The following PRR16 variants were observed in gnomAD, a reference collection of about 807,000 sequenced individuals.
PRR16 encodes protein Largen.
In PRR16, 6 loss-of-function variants were observed where a neutral mutation model predicts 18.2. The observed-to-expected ratio is 0.33, with a 90% CI of 0.18 to 0.65. The LOEUF (loss-of-function observed/expected upper bound fraction) is 0.65, where lower values mean the gene tolerates loss of function less well. PRR16 is among the 30% of genes least tolerant of loss of function. The pLI, the probability that PRR16 is intolerant of heterozygous loss-of-function variation, is 0.74. For missense variants in PRR16, 412 were observed against 376.6 expected (o/e 1.09, Z -0.78); for synonymous variants, 151 against 147.8 (o/e 1.02, Z -0.16).
At chr5:120,506,681 T>C (rs903936718) in intron 1 of PRR16, among the ~76,000 whole-genome samples, 1 of 152,226 alleles carries the variant, frequency 6.6e-6, no homozygotes, top group South Asian at 2.1e-4. Context: ...CTTCTATCTT[T>C]CTATTTCTCT....
At chr5:120,515,515 CTT>C (rs1270263290) in intron 1 of PRR16, among the ~76,000 whole-genome samples, 1 of 152,100 alleles carries the variant, frequency 6.6e-6, no homozygotes, top group African/African-American at 2.4e-5. Flanking sequence ...ATGATGGGAA[CTT>C]TGTAAAATGT....
At chr5:120,533,594 A>G (rs963926371) in intron 1 of PRR16, among the ~76,000 whole-genome samples, 44 of 152,146 alleles carry the variant, frequency 2.9e-4, no homozygotes, top group African/African-American at 1.0e-3. Context: ...ATCTTTGGGA[A>G]AAACATTCTA....
At chr5:120,608,678 C>T (rs992237578) in intron 1 of PRR16, among the ~76,000 whole-genome samples, 1 of 152,010 alleles carries the variant, frequency 6.6e-6, no homozygotes, top group African/African-American at 2.4e-5. Context: ...AACTTATTTT[C>T]AACTATAGAA....
Position 120,505,969 on chromosome 5 carries a change from T to C in PRR16, c.159+41324T>C, listed in dbSNP as rs566904905. On this transcript the variant is annotated intron_variant, in intron 1 of 1. Coordinates refer to ENST00000407149, the MANE Select transcript of PRR16 (RefSeq NM_001300783.2). ...GTGTATATATATATATATATATATA[T>C]ACACATTTTTTCTACATAGAGTGCA... 3.6e-3 allele frequency among the ~76,000 whole-genome samples: 531 copies of C among 145,776 alleles called. 3 individuals carry two copies. The highest frequency in any genetic ancestry group is 0.012 in the African/African-American group (460 of 39,392).
chr5:120,490,310 G>T (rs6887667), intron 1 of PRR16, among the ~76,000 whole-genome samples: 141,976 of 152,256 alleles, frequency 0.93, 66,628 homozygotes, highest in East Asian at 1. Flanking sequence ...AGATTTGGTC[G>T]TTTCAGATAG....
At chr5:120,619,589 T>G (rs1477661033) in intron 1 of PRR16, among the ~76,000 whole-genome samples, 1 of 152,012 alleles carries the variant, frequency 6.6e-6, no homozygotes, top group Non-Finnish European at 1.5e-5. Flanking sequence ...AGCATACTAA[T>G]GAAAATTACA....
intron 1 of PRR16, among the ~76,000 whole-genome samples, chr5:120,617,844 C>T (rs1055843767): frequency 6.6e-6 from 1 of 152,026 alleles, no homozygotes; most frequent in African/African-American, 2.4e-5. Flanking sequence ...CGATCATTAC[C>T]TTTAACAGCT....
the PRR16 span, among the ~76,000 whole-genome samples, chr5:120,748,486 C>T: frequency 1.4e-4 from 21 of 151,892 alleles, no homozygotes; most frequent in African/African-American, 4.8e-4. Flanking sequence ...AAAAAAGTAT[C>T]TTTCAATGTG....
chr5:120,782,990 T>G, the PRR16 span, among the ~76,000 whole-genome samples: 1 of 152,130 alleles, frequency 6.6e-6, no homozygotes, highest in African/African-American at 2.4e-5. Context: ...ATCCTCAATA[T>G]AAGAAGAACT....
chr5:120,759,384 A>G, the PRR16 span, among the ~76,000 whole-genome samples: 1 of 152,126 alleles, frequency 6.6e-6, no homozygotes, highest in African/African-American at 2.4e-5. Context: ...TCTTATAGAG[A>G]TTTGTATCCA....
At chr5:120,762,162 G>A in the PRR16 span, among the ~76,000 whole-genome samples, 2 of 152,104 alleles carry the variant, frequency 1.3e-5, no homozygotes, top group African/African-American at 2.4e-5. Flanking sequence ...CTGCTATAGT[G>A]TTTTAATAAG....
chr5:120,744,220 G>A, the PRR16 span, among the ~76,000 whole-genome samples: 1 of 152,124 alleles, frequency 6.6e-6, no homozygotes, highest in African/African-American at 2.4e-5. Flanking sequence ...GGACAAGTTG[G>A]TATGTGAAAG....
chr5:120,631,090 A>T (rs1302823719), intron 1 of PRR16, among the ~76,000 whole-genome samples: 3 of 152,216 alleles, frequency 2.0e-5, no homozygotes, highest in African/African-American at 4.8e-5. Context: ...GATAGTGAAG[A>T]TTTATTTAAA....
Position 120,665,526 on chromosome 5 carries a change from C to G in PRR16, c.160-20428C>G, listed in dbSNP as rs188909903. ...CTTTTAGTGTTTTAGACATGAAGTC[C>G]TTGCCCATGTCTATGTCCTGAATGG... On this transcript the variant is annotated intron_variant, in intron 1 of 1. Transcript: ENST00000407149. Among the ~76,000 whole-genome samples the G allele has an allele frequency of 5.1e-3, 776 of 152,220 alleles. 1 individual carries two copies. Among genetic ancestry groups the G allele is most frequent in the African/African-American group, 0.018 (743 of 41,520 alleles).
the PRR16 span, among the ~76,000 whole-genome samples, chr5:120,727,190 G>GT: frequency 6.6e-6 from 1 of 151,862 alleles, no homozygotes; most frequent in South Asian, 2.1e-4. Context: ...CTCAAGTTTT[G>GT]TTTTTTCTTT....
the PRR16 span, among the ~76,000 whole-genome samples, chr5:120,698,357 A>G: frequency 6.6e-6 from 1 of 152,150 alleles, no homozygotes; most frequent in African/African-American, 2.4e-5. Context: ...TAAAAGGTCT[A>G]AGAATTGGGA....
chr5:120,777,206 G>C, the PRR16 span, among the ~76,000 whole-genome samples: 5 of 151,970 alleles, frequency 3.3e-5, no homozygotes, highest in Non-Finnish European at 7.4e-5. Flanking sequence ...TTAAGGCAAT[G>C]AAAATAACCA....
At chr5:120,756,356 C>T in the PRR16 span, among the ~76,000 whole-genome samples, 2 of 152,026 alleles carry the variant, frequency 1.3e-5, no homozygotes, top group Non-Finnish European at 2.9e-5. Context: ...CTTAGGTTCC[C>T]TTCCTCCAGA....
the PRR16 span, among the ~76,000 whole-genome samples, chr5:120,698,081 T>G: frequency 1.3e-5 from 2 of 152,000 alleles, no homozygotes; most frequent in Admixed American, 1.3e-4. Flanking sequence ...AAAATAGTGT[T>G]GAATTGTTGG....
Sources: gnomAD v4.1 joint callset for allele counts (sites outside exome capture counted in the v4.1 genomes callset) on GRCh38, gnomAD v4.1.1 for gene constraint, MANE v1.5 for transcripts, NCBI Gene and HGNC (gene_info 2026-07-23, HGNC 2026-07-21) for gene names.